ITGA6: variants seen among roughly 807,000 people sequenced by gnomAD.
The protein encoded by ITGA6 is integrin alpha-6.
Under a neutral mutation model 133.6 loss-of-function variants are expected in ITGA6, and 63 were observed. The observed-to-expected ratio is 0.47, with a 90% confidence interval of 0.38 to 0.58. The LOEUF (loss-of-function observed/expected upper bound fraction) is 0.58. Ranked by LOEUF, ITGA6 falls within the 20% of genes least tolerant of loss-of-function variation. The pLI, the probability that ITGA6 is intolerant of heterozygous loss-of-function variation, is 0.00. For synonymous variants in ITGA6, 434 were observed against 482.0 expected (o/e 0.90, Z 1.30); for missense variants, 1,068 against 1,309.4 (o/e 0.82, Z 2.85).
At chr2:172,475,329 C>A (rs776971418) in intron 7 of ITGA6, among the ~76,000 whole-genome samples, 7 of 152,062 alleles carry the variant, frequency 4.6e-5, no homozygotes, top group Non-Finnish European at 8.8e-5. Context: ...GTGGCACATG[C>A]CTGTAATACC....
intron 1 of ITGA6, among the ~76,000 whole-genome samples, chr2:172,438,658 T>C (rs1029342477): frequency 6.6e-6 from 1 of 151,936 alleles, no homozygotes; most frequent in African/African-American, 2.4e-5. Flanking sequence ...CTTAGCAGAG[T>C]GCCCGGCATA....
upstream of ITGA6, chr2:172,427,366 A>T (rs1365527015): frequency 1.8e-5 from 18 of 1,006,458 alleles, no homozygotes; most frequent in African/African-American, 3.5e-5. Flanking sequence ...TTCTGTCCAC[A>T]GAGGGCGGCG....
intron 1 of ITGA6, among the ~76,000 whole-genome samples, chr2:172,453,742 G>C (rs1402522441): frequency 2.0e-5 from 3 of 152,166 alleles, no homozygotes; most frequent in African/African-American, 7.2e-5. Flanking sequence ...ATGGTTTAAG[G>C]TTTCTCAAAG....
At chr2:172,442,622 C>T (rs765948457) in intron 1 of ITGA6, among the ~76,000 whole-genome samples, 7 of 152,318 alleles carry the variant, frequency 4.6e-5, no homozygotes, top group African/African-American at 1.4e-4. Flanking sequence ...AGCTGTTGCA[C>T]CTCTTTTCTT....
At position 172,475,070 on chromosome 2, in the gene ITGA6, G is replaced by A; in HGVS notation, c.1128G>A (p.Met376Ile). ...GTCTTAATGGAACCAAAGATTCTAT[G>A]TTTGGCATTGCAGTAAAAAATATTG... Reference protein sequence around the residue: ...PIRLNGTKDSMFGIAVKNIGD... With the variant: ...PIRLNGTKDSIFGIAVKNIGD... The change falls in exon 7 of 26, where the codon ATG (methionine) becomes ATA (isoleucine). Residue 376 changes from methionine (M) to isoleucine (I), a missense_variant. Met to Ile is a conservative substitution (Grantham distance 10). Around this residue, in one of 3 missense-constraint regions of ITGA6, gnomAD observed 317 missense variants for 456.9 expected, o/e 0.69. Transcript: ENST00000684293. The A allele has an allele frequency of 6.2e-7, 1 of 1,608,322 alleles. No homozygotes were observed. Among genetic ancestry groups the A allele is most frequent in the Non-Finnish European group, 8.5e-7 (1 of 1,174,664 alleles).
intron 1 of ITGA6, among the ~76,000 whole-genome samples, chr2:172,429,782 G>A (rs534422030): frequency 1.3e-5 from 2 of 152,312 alleles, no homozygotes; most frequent in South Asian, 4.1e-4. Context: ...GAGACTGTAT[G>A]TTTCCTAGAG....
chr2:172,450,252 T>C (rs1045127917), intron 1 of ITGA6, among the ~76,000 whole-genome samples: 1 of 152,190 alleles, frequency 6.6e-6, no homozygotes, highest in African/African-American at 2.4e-5. Context: ...TGATGTGATA[T>C]GACCTGAGAT....
rs57828626 is a variant in ITGA6, at chr2:172,441,559, TAAAAAAAAAAAAAAAAA to T, written c.182+13609_182+13625del. 5.9e-4 allele frequency among the ~76,000 whole-genome samples: 29 copies of T among 48,856 alleles called. 1 individual carries two copies. The South Asian group carries it at 6.1e-3, about 10-fold the overall frequency. 32.1% of individuals were successfully genotyped at this position (48,856 alleles called of 152,430 possible). The stretch of plus-strand genomic sequence containing the variant: ...TAACAGAGTGGAGACGCTGTCTCTT[TAAAAAAAAAAAAAAAAA>T]AAAAAAAAAAAAAAAAAAATCAAAC... On this transcript the variant is annotated intron_variant, in intron 1 of 25. Coordinates refer to ENST00000684293, the MANE Select transcript of ITGA6 (RefSeq NM_000210.4).
At chr2:172,441,298 T>C (rs1036981830) in intron 1 of ITGA6, among the ~76,000 whole-genome samples, 14 of 152,278 alleles carry the variant, frequency 9.2e-5, no homozygotes, top group African/African-American at 3.4e-4. Context: ...GGTCCTGAAC[T>C]GTGAGGCCAC....
chr2:172,499,524 A>G (rs1051491539), intron 24 of ITGA6, among the ~76,000 whole-genome samples: 3 of 151,500 alleles, frequency 2.0e-5, no homozygotes, highest in Non-Finnish European at 2.9e-5. Flanking sequence ...ACATCTAGCT[A>G]GTTTTTAAAT....
At chr2:172,481,128 T>G (rs1042257251) in intron 11 of ITGA6, 1 of 152,220 alleles carries the variant, frequency 6.6e-6, no homozygotes, top group Non-Finnish European at 1.5e-5. Context: ...AGGGACACTT[T>G]GTGAAGAACA....
intron 11 of ITGA6, 116 bp from the exon 12 acceptor site, chr2:172,484,666 G>C: frequency 1.2e-6 from 1 of 855,948 alleles, no homozygotes; most frequent in South Asian, 1.4e-5. Context: ...GAAATATGAA[G>C]AGAAACAATG....
At chr2:172,493,559 T>C (rs527609055) in intron 23 of ITGA6, among the ~76,000 whole-genome samples, 2 of 152,122 alleles carry the variant, frequency 1.3e-5, no homozygotes, top group African/African-American at 4.8e-5. Context: ...AGGGTAAACA[T>C]TGTACTCATT....
Position 172,469,380 on chromosome 2 carries a change from G to A in ITGA6, c.643G>A (p.Gly215Arg). Residue 215 changes from glycine to arginine, a missense_variant and splice_region_variant, in exon 4 of 26, where the codon GGG (glycine) becomes AGG (arginine). By Grantham distance (125) the Gly-to-Arg change is moderately radical. Transcript: ENST00000684293. ...FGAPGTYNWK[G>R]IVRVEQKNNT... ...AGCCCCGGGTACTTATAACTGGAAA[G>A]GTATGACCTTTGTATTTATAGAAAT... 1 of 1,613,270 alleles carries A rather than the reference G, an allele frequency of 6.2e-7. No homozygotes were observed. The highest frequency in any genetic ancestry group is 8.5e-7 in the Non-Finnish European group (1 of 1,179,320).
Position 172,476,431 on chromosome 2 carries a change from A to T in ITGA6, c.1306A>T (p.Ile436Phe). Reference sequence around the variant, plus strand: ...TATATCACCTTATTTTGGATATTCAATTGCTGGAAACATGGACCTTGATCG... The same window carrying T: ...TATATCACCTTATTTTGGATATTCATTTGCTGGAAACATGGACCTTGATCG... The part of the protein sequence containing the change: ...KGISPYFGYS[I>F]AGNMDLDRNS... The change falls in exon 9 of 26, where the codon ATT (isoleucine) becomes TTT (phenylalanine). Residue 436 changes from isoleucine to phenylalanine, a missense_variant. This residue lies in a region of ITGA6 where 317 missense variants were observed against 456.9 expected (regional missense o/e 0.69). Transcript: ENST00000684293. The T allele has an allele frequency of 6.2e-7, 1 of 1,612,278 alleles. No individual in the cohort carries two copies. Among genetic ancestry groups the T allele is most frequent in the South Asian group, 1.1e-5 (1 of 91,052 alleles).
At chr2:172,459,519 C>A (rs947037446) in intron 1 of ITGA6, among the ~76,000 whole-genome samples, 7 of 152,070 alleles carry the variant, frequency 4.6e-5, no homozygotes, top group Admixed American at 4.6e-4. Flanking sequence ...AGAAGTTACC[C>A]TTTTGAGAGT....
chr2:172,465,151 TCC>T, intron 1 of ITGA6: 5 of 288,794 alleles, frequency 1.7e-5, no homozygotes, highest in African/African-American at 2.2e-5. Context: ...GGCCATTTTT[TCC>T]TTCCATTGTC....
Position 172,484,952 on chromosome 2 carries a change from G to A in ITGA6, c.1710+10G>A. 1 of 1,613,312 alleles carries A rather than the reference G, an allele frequency of 6.2e-7. No homozygotes were observed. The highest frequency in any genetic ancestry group is 8.5e-7 in the Non-Finnish European group (1 of 1,179,212). On this transcript the variant is annotated intron_variant, in intron 12 of 25. Coordinates refer to ENST00000684293, the MANE Select transcript of ITGA6 (RefSeq NM_000210.4). ...AACCCTGTGGCTACAGGTGAGGGCT[G>A]CAGATGGTCACATCTGTTTTATGAA...
chr2:172,449,361 A>G (rs922779848), intron 1 of ITGA6, among the ~76,000 whole-genome samples: 2 of 152,194 alleles, frequency 1.3e-5, no homozygotes, highest in African/African-American at 4.8e-5. Flanking sequence ...GCGAAGAAAA[A>G]TATTGGGATG....
Sources: allele counts gnomAD v4.1 joint callset (sites outside exome capture counted in the v4.1 genomes callset), GRCh38; gene constraint gnomAD v4.1.1; regional missense constraint gnomAD v4.1.1; transcripts MANE v1.5; gene names NCBI Gene and HGNC (gene_info 2026-07-23, HGNC 2026-07-21).